The following TEKT5 variants were observed in gnomAD, a reference collection of about 807,000 sequenced individuals.
TEKT5 encodes tektin-5.
Under a neutral mutation model 48.7 loss-of-function variants are expected in TEKT5, and 52 were observed. The ratio of observed to expected loss-of-function variants is 1.07; its 90% CI spans 0.86 to 1.35. The LOEUF (loss-of-function observed/expected upper bound fraction) is 1.35. Ranked by LOEUF, TEKT5 falls within the 40% of genes most tolerant of loss-of-function variation. The pLI, the probability that TEKT5 is intolerant of heterozygous loss-of-function variation, is 0.00. For synonymous variants in TEKT5, 318 were observed against 267.6 expected, an observed-to-expected ratio of 1.19 and a Z score of -1.84; for missense variants, 831 against 641.6, an observed-to-expected ratio of 1.30 and a Z score of -3.19.
At chr16:10,650,274 T>A (rs1164068027) in intron 5 of TEKT5, among the ~76,000 whole-genome samples, 1 of 151,858 alleles carries the variant, frequency 6.6e-6, no homozygotes, top group African/African-American at 2.4e-5. Context: ...CTGATTTTTG[T>A]ATTTTTAGTG....
intron 3 of TEKT5, among the ~76,000 whole-genome samples, chr16:10,687,727 T>C (rs1898888980): frequency 6.6e-6 from 1 of 152,276 alleles, no homozygotes; most frequent in Non-Finnish European, 1.5e-5. Context: ...CACTCCAGTC[T>C]GGGCAGCAGA....
intron 3 of TEKT5, among the ~76,000 whole-genome samples, chr16:10,682,360 C>T (rs554653466): frequency 1.3e-5 from 2 of 152,108 alleles, no homozygotes; most frequent in East Asian, 3.9e-4. Flanking sequence ...CAGAGTCTCA[C>T]TCTGTCACCC....
intron 5 of TEKT5, among the ~76,000 whole-genome samples, chr16:10,660,360 G>A (rs1075554): frequency 0.14 from 20,616 of 152,008 alleles, 1,626 homozygotes; most frequent in African/African-American, 0.21. Flanking sequence ...AGGGTTTCAT[G>A]TTAAGTAACT....
intron 1 of TEKT5, 51 bp from the exon 2 acceptor site, chr16:10,690,076 C>T: frequency 6.3e-7 from 1 of 1,593,726 alleles, no homozygotes. Flanking sequence ...GTATGTAGAC[C>T]CTGAGCAGAA....
chr16:10,668,642 G>C (rs189285719), intron 5 of TEKT5, among the ~76,000 whole-genome samples: 126 of 152,296 alleles, frequency 8.3e-4, no homozygotes, highest in African/African-American at 2.8e-3. Flanking sequence ...GGCCTTCCTG[G>C]GAAGGGGTGG....
At position 10,690,539 on chromosome 16, in the gene TEKT5, G is replaced by A. The variant is rs962622513; in HGVS notation, c.565-514C>T. 6.1e-6 allele frequency: 6 copies of A among 978,362 alleles called. No homozygotes were observed. The African/African-American group carries it at 8.8e-5, about 14-fold the overall frequency. 60.6% of individuals were successfully genotyped at this position (978,362 alleles called of 1,614,324 possible). A position where few individuals can be genotyped will look rare whatever the true frequency, so the allele number is the denominator to read the frequency against. ...GGTGCCTATCTCACAGGTTCATTGT[G>A]CAGGTGAAGTCGGCTTGACAAGTGT... On this transcript the variant is annotated intron_variant, in intron 1 of 6. Transcript: ENST00000283025.
At chr16:10,632,562 C>G (rs566788684) in intron 6 of TEKT5, among the ~76,000 whole-genome samples, 1 of 152,174 alleles carries the variant, frequency 6.6e-6, no homozygotes, top group African/African-American at 2.4e-5. Context: ...TCCCAAAGTG[C>G]TGGGGTTACA....
intron 5 of TEKT5, among the ~76,000 whole-genome samples, chr16:10,649,596 G>A (rs78791594): frequency 0.079 from 11,985 of 151,418 alleles, 522 homozygotes; most frequent in Middle Eastern, 0.1. Context: ...CACCATGCTT[G>A]GCTAGTTTTT....
At chr16:10,668,742 A>T (rs980371104) in intron 5 of TEKT5, among the ~76,000 whole-genome samples, 1 of 152,220 alleles carries the variant, frequency 6.6e-6, no homozygotes, top group Admixed American at 6.5e-5. Context: ...TAAAATTCAT[A>T]GCCCTTCTCT....
chr16:10,653,021 G>T (rs1898196570), intron 5 of TEKT5, among the ~76,000 whole-genome samples: 1 of 152,202 alleles, frequency 6.6e-6, no homozygotes, highest in African/African-American at 2.4e-5. Context: ...CATCCCCCAA[G>T]CTCTGAGGGG....
chr16:10,676,032 G>A lies in TEKT5; in HGVS notation c.1013C>T (p.Thr338Ile), dbSNP rs1431472013. The change falls in exon 5 of 7, where the codon ACC (threonine) becomes ATC (isoleucine). Residue 338 changes from threonine (T) to isoleucine (I), a missense_variant. Coordinates refer to ENST00000283025, the MANE Select transcript of TEKT5 (RefSeq NM_144674.2). ...GATGCGGGCGTTGAAGGCCAGGTTG[G>A]TGTCTGTGAACTGCCTCCACATCTG... ...SDQMWRQFTD[T>I]NLAFNARISE... The A allele has an allele frequency of 6.2e-7, 1 of 1,614,232 alleles. No individual in the cohort carries two copies. The highest frequency in any genetic ancestry group is 1.1e-5 in the South Asian group (1 of 91,090).
At chr16:10,685,434 G>A (rs117356223) in intron 3 of TEKT5, among the ~76,000 whole-genome samples, 2,997 of 152,180 alleles carry the variant, frequency 0.02, 138 homozygotes, top group East Asian at 0.17. Flanking sequence ...TGAGTAGCTG[G>A]GATTAGAGAC....
At chr16:10,631,276 G>A (rs866813429) in intron 6 of TEKT5, among the ~76,000 whole-genome samples, 7 of 135,920 alleles carry the variant, frequency 5.2e-5, no homozygotes, top group African/African-American at 1.7e-4. Flanking sequence ...AAAAAAAAGA[G>A]AGAGAGAGAG....
chr16:10,650,241 C>T (rs925106227), intron 5 of TEKT5, among the ~76,000 whole-genome samples: 1 of 151,686 alleles, frequency 6.6e-6, no homozygotes, highest in Non-Finnish European at 1.5e-5. Context: ...GCTGGGATTA[C>T]AGGTGTGTGC....
At chr16:10,669,144 AG>A in intron 5 of TEKT5, among the ~76,000 whole-genome samples, 1 of 152,348 alleles carries the variant, frequency 6.6e-6, no homozygotes, top group East Asian at 1.9e-4. Flanking sequence ...TATTTGTAAC[AG>A]CCCCAAACTG....
intron 5 of TEKT5, among the ~76,000 whole-genome samples, chr16:10,659,079 C>G (rs542510844): frequency 6.6e-6 from 1 of 152,152 alleles, no homozygotes; most frequent in East Asian, 1.9e-4. Context: ...TTAGTAGCAT[C>G]CCTGGTCTCT....
At chr16:10,688,859 G>T (rs1163775608) in intron 3 of TEKT5, among the ~76,000 whole-genome samples, 1 of 152,186 alleles carries the variant, frequency 6.6e-6, no homozygotes, top group African/African-American at 2.4e-5. Flanking sequence ...CCCACCCTCT[G>T]TCATCTCCCA....
chr16:10,631,255 CA>C (rs557852936), intron 6 of TEKT5, among the ~76,000 whole-genome samples: 1,875 of 60,252 alleles, frequency 0.031, 20 homozygotes, highest in African/African-American at 0.045. Context: ...GACTCCATCT[CA>C]AAAAAAAAAA....
intron 6 of TEKT5, among the ~76,000 whole-genome samples, chr16:10,629,950 T>C (rs2142253300): frequency 6.6e-6 from 1 of 152,204 alleles, no homozygotes; most frequent in Non-Finnish European, 1.5e-5. Context: ...TTTTCTTTTT[T>C]CTTTTTGAGA....
Sources: gnomAD v4.1 joint callset for allele counts (sites outside exome capture counted in the v4.1 genomes callset) on GRCh38, gnomAD v4.1.1 for gene constraint, MANE v1.5 for transcripts, NCBI Gene and HGNC (gene_info 2026-07-23, HGNC 2026-07-21) for gene names.